The following UAP1L1 variants were observed in gnomAD, a reference collection of about 807,000 sequenced individuals.
UAP1L1 encodes UDP-N-acetylglucosamine pyrophosphorylase 1 like 1.
A neutral mutation model predicts 45.3 loss-of-function variants in UAP1L1; 45 were observed. The ratio of observed to expected loss-of-function variants is 0.99; its 90% CI spans 0.78 to 1.27. UAP1L1 has a LOEUF of 1.27. UAP1L1 is among the 50% of genes most tolerant of loss of function. The pLI is 0.00. For missense variants in UAP1L1, 667 were observed against 694.0 expected (o/e 0.96, Z 0.44); for synonymous variants, 323 against 303.9 (o/e 1.06, Z -0.65).
At chr9:137,079,914 C>G in intron 5 of UAP1L1, 88 bp from the exon 6 acceptor site, 1 of 1,520,554 alleles carries the variant, frequency 6.6e-7, no homozygotes. Context: ...TCCCACCCAG[C>G]TGGGTGTGCT....
At chr9:137,080,195 G>A in intron 6 of UAP1L1, 53 bp downstream of exon 6, 2 of 1,604,028 alleles carry the variant, frequency 1.2e-6, no homozygotes, top group East Asian at 2.2e-5. Context: ...CAGTTTTGGT[G>A]GTGGGAACTG....
intron 7 of UAP1L1, among the ~76,000 whole-genome samples, chr9:137,081,242 C>CA (rs199529226): frequency 0.021 from 3,218 of 152,238 alleles, 120 homozygotes; most frequent in African/African-American, 0.071. Context: ...CTCTGTCGCC[C>CA]AGGCTGTAGT....
At position 137,082,443 on chromosome 9, in the gene UAP1L1, G is replaced by T; in HGVS notation, c.1432-194G>T. 1 of 600,912 alleles carries T rather than the reference G, an allele frequency of 1.7e-6. No individual in the cohort carries two copies. Among genetic ancestry groups the T allele is most frequent in the Non-Finnish European group, 3.0e-6 (1 of 336,482 alleles). 37.2% of individuals were successfully genotyped at this position (600,912 alleles called of 1,614,324 possible). A position where few individuals can be genotyped will look rare whatever the true frequency, so the allele number is the denominator to read the frequency against. On this transcript the variant is annotated intron_variant, in intron 8 of 8. Transcript: ENST00000409858. The surrounding 1 kb of genome is among the most constrained non-coding windows in gnomAD (Gnocchi z 5.7). The stretch of plus-strand genomic sequence containing the variant: ...ACAGGAGGGTCCCCTGCTGGCCTAG[G>T]GTCTTGAGTGTGGTCTTGGGTGGCC...
At chr9:137,079,599 A>G in intron 5 of UAP1L1, 150 bp downstream of exon 5, 2 of 713,918 alleles carry the variant, frequency 2.8e-6, no homozygotes, top group East Asian at 5.6e-5. Flanking sequence ...GTCGGGGTGG[A>G]GAATGGATCC....
At chr9:137,078,938 G>T (rs747320574) in intron 3 of UAP1L1, 38 bp from the exon 4 acceptor site, 6 of 1,552,942 alleles carry the variant, frequency 3.9e-6, no homozygotes, top group African/African-American at 1.4e-5. Flanking sequence ...ATCCCTGGCG[G>T]GAGCCCTCGC....
rs766141886 is a variant in UAP1L1 at position 137,079,296 on chromosome 9, T to C, written c.884T>C (p.Val295Ala). 3.7e-6 allele frequency: 6 copies of C among 1,612,038 alleles called. No individual in the cohort carries two copies. The Admixed American group carries it at 1.0e-4, about 27-fold the overall frequency. The change falls in exon 5 of 9, where the codon GTG becomes GCG. Residue 295 changes from valine (V) to alanine (A), a missense_variant. Val to Ala is a moderately conservative substitution (Grantham distance 64). Coordinates refer to ENST00000409858, the MANE Select transcript of UAP1L1 (RefSeq NM_207309.3). Reference sequence around the variant, plus strand: ...TACCCCGAGGAGCCCGTGGGCGTGGTGTGCCAGGTGGACGGTGTCCCCCAG... The same window carrying C: ...TACCCCGAGGAGCCCGTGGGCGTGGCGTGCCAGGTGGACGGTGTCCCCCAG... ...KAYPEEPVGV[V>A]CQVDGVPQVV...
In UAP1L1 at chr9:137,077,685, G is replaced by A; in HGVS notation, c.153G>A (p.Arg51=). 8.6e-7 allele frequency: 1 copy of A among 1,157,178 alleles called. No individual in the cohort carries two copies. The highest frequency in any genetic ancestry group is 1.1e-6 in the Non-Finnish European group (1 of 939,550). The allele number at this position is 1,157,178 out of a possible 1,614,324, so 71.7% of individuals were successfully genotyped here. ...LEPEALREHC[R]RAAEACARPH... is the part of the protein sequence containing the mutation. ...CCGAGGCGCTGCGCGAGCACTGCCGGCGGGCGGCGGAGGCCTGCGCGCGCC... is the reference window on the plus strand; with the variant it reads ...CCGAGGCGCTGCGCGAGCACTGCCGACGGGCGGCGGAGGCCTGCGCGCGCC... Residue 51 remains arginine, a synonymous_variant, in exon 1 of 9, where the codon CGG becomes CGA. Coordinates refer to ENST00000409858, the MANE Select transcript of UAP1L1 (RefSeq NM_207309.3). The surrounding 1 kb of genome is among the most constrained non-coding windows in gnomAD (Gnocchi z 4.7).
At position 137,077,523 on chromosome 9, in the gene UAP1L1, C is replaced by T. The variant is rs1443691356; in HGVS notation, c.-10C>T. ...TCACGAGTGCCGACTTGACAGACGG[C>T]AGCGGCGACATGGCTTCGGAGCAGG... On this transcript the variant is annotated 5_prime_UTR_variant, in exon 1 of 9. Coordinates refer to ENST00000409858, the MANE Select transcript of UAP1L1 (RefSeq NM_207309.3). The surrounding 1 kb of genome is among the most constrained non-coding windows in gnomAD (Gnocchi z 4.7). 7.4e-7 allele frequency: 1 copy of T among 1,358,364 alleles called. No individual in the cohort carries two copies. The highest frequency in any genetic ancestry group is 9.6e-7 in the Non-Finnish European group (1 of 1,045,870). 84.1% of individuals were successfully genotyped at this position (1,358,364 alleles called of 1,614,324 possible).
Position 137,082,114 on chromosome 9 carries a change from A to G in UAP1L1, c.1431+50A>G, listed in dbSNP as rs1424244049. 2 of 1,586,648 alleles carry G rather than the reference A, an allele frequency of 1.3e-6. No individual in the cohort carries two copies. Among genetic ancestry groups the G allele is most frequent in the Non-Finnish European group, 1.7e-6 (2 of 1,155,106 alleles). On this transcript the variant is annotated intron_variant, in intron 8 of 8. Transcript: ENST00000409858. The surrounding 1 kb of genome is among the most constrained non-coding windows in gnomAD (Gnocchi z 5.7). The stretch of plus-strand genomic sequence containing the variant: ...GGGCTTTTCTGGTGTCAGGTTTGGA[A>G]TACCATCTGGGGAGAGGTGGCTGCT...
At position 137,078,055 on chromosome 9, in the gene UAP1L1, C is replaced by T. The variant is rs756987621; in HGVS notation, c.295C>T (p.Arg99Cys). The T allele has an allele frequency of 4.9e-5, 76 of 1,549,030 alleles. No individual in the cohort carries two copies. Among genetic ancestry groups the T allele is most frequent in the South Asian group, 7.1e-5 (6 of 84,060 alleles). Residue 99 changes from arginine (R) to cysteine (C), a missense_variant, in exon 2 of 9, where the codon CGT (arginine) becomes TGT (cysteine). Transcript: ENST00000409858. Reference protein sequence around the residue: ...TRRRWEEEGFRQISLNKVAVL... With the variant: ...TRRRWEEEGFCQISLNKVAVL... ...CACGGCGCCCGTACCCCCAGGTTTC[C>T]GTCAGATTTCTCTGAACAAGGTGGC...
In UAP1L1 at chr9:137,082,830, GGGGGCTACAGCCCAGCCTGAGCTCTGGGT is replaced by G; in HGVS notation, c.*105_*133del. ...CTGCCAGCCCCGGCGTCCTGGAGCT[GGGGGCTACAGCCCAGCCTGAGCTCTGGGT>G]GGGAAAGCAGCCTGCCCCATGCTTC... On this transcript the variant is annotated 3_prime_UTR_variant, in exon 9 of 9. Transcript: ENST00000409858. This position sits in a 1 kb window ranked among gnomAD's most constrained non-coding sequence, Gnocchi z 5.7. 1.0e-6 allele frequency: 1 copy of G among 955,356 alleles called. No individual in the cohort carries two copies. The highest frequency in any genetic ancestry group is 1.6e-6 in the Non-Finnish European group (1 of 631,212). 59.2% of individuals were successfully genotyped at this position (955,356 alleles called of 1,614,324 possible). A position where few individuals can be genotyped will look rare whatever the true frequency, so the allele number is the denominator to read the frequency against.
chr9:137,082,574 G>A lies in UAP1L1; in HGVS notation c.1432-63G>A. ...CCTGGGGACTGTGGCTCTTGGTGTG[G>A]CCAGAGGGGCTGTGACCCGCCAAAA... On this transcript the variant is annotated intron_variant, in intron 8 of 8. Transcript: ENST00000409858. This position sits in a 1 kb window ranked among gnomAD's most constrained non-coding sequence, Gnocchi z 5.7. 1 of 1,370,582 alleles carries A rather than the reference G, an allele frequency of 7.3e-7. No homozygotes were observed. The highest frequency in any genetic ancestry group is 2.0e-5 in the Admixed American group (1 of 50,416). 84.9% of individuals were successfully genotyped at this position (1,370,582 alleles called of 1,614,324 possible). A position where few individuals can be genotyped will look rare whatever the true frequency, so the allele number is the denominator to read the frequency against.
At position 137,080,790 on chromosome 9, in the gene UAP1L1, T is replaced by C; in HGVS notation, c.1280T>C (p.Leu427Pro). The stretch of plus-strand genomic sequence containing the variant: ...AGTCCCCGCACCGCTCGCCAGGCCC[T>C]GCTCACCCAGCACTACCGGTGGGCT... ...RDSPRTARQA[L>P]LTQHYRWALR... is the part of the protein sequence containing the mutation. The change falls in exon 7 of 9, where the codon CTG becomes CCG. Residue 427 changes from leucine (L) to proline (P), a missense_variant. By Grantham distance (98) the Leu-to-Pro change is moderately conservative (BLOSUM62 -3). Coordinates refer to ENST00000409858, the MANE Select transcript of UAP1L1 (RefSeq NM_207309.3). The C allele has an allele frequency of 6.2e-7, 1 of 1,612,530 alleles. No individual in the cohort carries two copies. Among genetic ancestry groups the C allele is most frequent in the Non-Finnish European group, 8.5e-7 (1 of 1,179,920 alleles).
rs1215609325 is a variant in UAP1L1 at position 137,082,658 on chromosome 9, G to A, written c.1453G>A (p.Gly485Ser). Reference protein sequence around the residue: ...SGEGLEVYLQGREFQSPLILD... With the variant: ...SGEGLEVYLQSREFQSPLILD... ...CCAGGGTTTAGAAGTGTACCTGCAAGGCCGGGAGTTCCAGTCCCCGCTCAT... is the reference window on the plus strand; with the variant it reads ...CCAGGGTTTAGAAGTGTACCTGCAAAGCCGGGAGTTCCAGTCCCCGCTCAT... The change falls in exon 9 of 9, where the codon GGC becomes AGC. Residue 485 changes from glycine to serine, a missense_variant. Physicochemically the swap from Gly to Ser is moderately conservative, Grantham distance 56. Coordinates refer to ENST00000409858, the MANE Select transcript of UAP1L1 (RefSeq NM_207309.3). The surrounding 1 kb of genome is among the most constrained non-coding windows in gnomAD (Gnocchi z 5.7). 147 of 1,552,176 alleles carry A rather than the reference G, an allele frequency of 9.5e-5. No homozygotes were observed. The highest frequency in any genetic ancestry group is 1.2e-4 in the Non-Finnish European group (139 of 1,147,408).
chr9:137,082,715 C>T lies in UAP1L1; in HGVS notation c.1510C>T (p.Leu504=), dbSNP rs147059232. ...TGAAGACCAGGCCAGGGAGCCGCAG[C>T]TGCAGGAGTCCTGACCCGCCCAGAC... ...LDEDQAREPQ[L]QES Residue 504 remains leucine, a synonymous_variant, in exon 9 of 9, where the codon CTG becomes TTG. Transcript: ENST00000409858. The surrounding 1 kb of genome is among the most constrained non-coding windows in gnomAD (Gnocchi z 5.7). The T allele has an allele frequency of 5.9e-4, 916 of 1,550,160 alleles. 3 individuals are homozygous for T. The African/African-American group carries it at 0.012, about 20-fold the overall frequency.
At chr9:137,079,981 C>G (rs1257131848) in intron 5 of UAP1L1, 21 bp from the exon 6 acceptor site, 3 of 1,612,306 alleles carry the variant, frequency 1.9e-6, no homozygotes, top group South Asian at 2.2e-5. Flanking sequence ...CTTTCCTCCC[C>G]TCTGCTCTCC....
rs763200821 is a variant in UAP1L1, at chr9:137,078,988, G to C, written c.683G>C (p.Gly228Ala). ...TCTCCGTCTGCAGACGGCAACGGGG[G>C]CCTCTACTGCGCGCTGGAGGACCAC... ...KVAMAPDGNG[G>A]LYCALEDHKI... is the part of the protein sequence containing the mutation. The change falls in exon 4 of 9, where the codon GGC becomes GCC. Residue 228 changes from glycine (G) to alanine (A), a missense_variant. Transcript: ENST00000409858. 5 of 1,588,568 alleles carry C rather than the reference G, an allele frequency of 3.1e-6. No homozygotes were observed. The highest frequency in any genetic ancestry group is 1.7e-4 in the Middle Eastern group (1 of 5,964).
chr9:137,079,110 G>A lies in UAP1L1; in HGVS notation c.805G>A (p.Gly269Ser), dbSNP rs752450903. 1.1e-5 allele frequency: 17 copies of A among 1,611,680 alleles called. No individual in the cohort carries two copies. Among genetic ancestry groups the A allele is most frequent in the Non-Finnish European group, 1.4e-5 (16 of 1,179,646 alleles). ...LVRLADPVFIGFCVLQGADCG... is the reference protein window; with the variant it reads ...LVRLADPVFISFCVLQGADCG... ...GCGGCTGGCGGACCCTGTCTTCATC[G>A]GCTTCTGTGTGTTGCAGGGCGCAGA... The change falls in exon 4 of 9, where the codon GGC (glycine) becomes AGC (serine). Residue 269 changes from glycine (G) to serine (S), a missense_variant. Transcript: ENST00000409858.
In UAP1L1 at chr9:137,084,422, C is replaced by T. The variant is rs1371280141; in HGVS notation, c.*1693C>T. 2.0e-5 allele frequency: 3 copies of T among 152,290 alleles called. No individual in the cohort carries two copies. Among genetic ancestry groups the T allele is most frequent in the Non-Finnish European group, 4.4e-5 (3 of 68,098 alleles). The allele number at this position is 152,290 out of a possible 1,614,324, so 9.4% of individuals were successfully genotyped here. On this transcript the variant is annotated 3_prime_UTR_variant, in exon 9 of 9. Coordinates refer to ENST00000409858, the MANE Select transcript of UAP1L1 (RefSeq NM_207309.3). ...ATCTCCTGACCTCGTGATCCACCCA[C>T]CTCGGCCTCCCAAAGTGCTGGGATT... is the stretch of plus-strand genomic sequence containing the variant.
Sources: allele counts gnomAD v4.1 joint callset (sites outside exome capture counted in the v4.1 genomes callset), GRCh38; gene constraint gnomAD v4.1.1; non-coding constraint Gnocchi (gnomAD v3.1); transcripts MANE v1.5; gene names NCBI Gene and HGNC (gene_info 2026-07-23, HGNC 2026-07-21).